TNRC6B: variants seen among roughly 807,000 people sequenced by gnomAD.
The protein encoded by TNRC6B is trinucleotide repeat-containing gene 6B protein.
Under a neutral mutation model 203.6 loss-of-function variants are expected in TNRC6B, and 52 were observed. That is an observed-to-expected ratio of 0.26 (90% CI 0.20 to 0.32). TNRC6B has a LOEUF of 0.32. Ranked by LOEUF, TNRC6B falls within the 10% of genes least tolerant of loss-of-function variation. TNRC6B has a pLI of 1.00. For missense variants in TNRC6B, 1,923 were observed against 2,286.2 expected, an observed-to-expected ratio of 0.84 and a Z score of 3.24; for synonymous variants, 838 against 845.7, an observed-to-expected ratio of 0.99 and a Z score of 0.16.
chr22:40,164,806 C>T (rs34305613), intron 4 of TNRC6B, among the ~76,000 whole-genome samples: 4 of 139,440 alleles, frequency 2.9e-5, no homozygotes, highest in Admixed American at 7.4e-5. Context: ...CCTGAAATAG[C>T]GTCTCACTCT....
intron 4 of TNRC6B, among the ~76,000 whole-genome samples, chr22:40,161,046 G>T (rs1315203205): frequency 6.6e-6 from 1 of 151,612 alleles, no homozygotes; most frequent in African/African-American, 2.4e-5. Context: ...ATTAACCTTT[G>T]TTGAGATGTT....
chr22:40,323,235 A>G lies in TNRC6B; in HGVS notation c.5496A>G (p.Ser1832=). 6.2e-7 allele frequency: 1 copy of G among 1,610,308 alleles called. No homozygotes were observed. Among genetic ancestry groups the G allele is most frequent in the Non-Finnish European group, 8.5e-7 (1 of 1,179,554 alleles). ...ACCTTCTGGGAGGAGGGTCGGATTC[A>G]ATCTGAACTTAGAACTTTCAACTCT... The part of the protein sequence containing the change: ...PGDLLGGGSD[S]I The change falls in exon 23 of 23, where the codon TCA becomes TCG. Residue 1832 remains serine, a synonymous_variant. Coordinates refer to ENST00000454349, the MANE Select transcript of TNRC6B (RefSeq NM_001162501.2).
chr22:40,129,739 A>G (rs2068524799), intron 3 of TNRC6B, among the ~76,000 whole-genome samples: 1 of 152,224 alleles, frequency 6.6e-6, no homozygotes, highest in African/African-American at 2.4e-5. Context: ...TACAATAAAA[A>G]TGGTTACAGT....
At chr22:40,308,309 A>G (rs976308248) in intron 15 of TNRC6B, among the ~76,000 whole-genome samples, 3 of 152,244 alleles carry the variant, frequency 2.0e-5, no homozygotes, top group African/African-American at 7.2e-5. Flanking sequence ...AGTCATACAC[A>G]TCTTCACGCC....
Position 40,178,764 on chromosome 22 carries a change from C to T in TNRC6B, c.5+624C>T, listed in dbSNP as rs373717228. On this transcript the variant is annotated intron_variant, in intron 1 of 22. Coordinates refer to ENST00000454349, the MANE Select transcript of TNRC6B (RefSeq NM_001162501.2). ...CCCAAGCAATATGTGGCTCACCCCTCTCCTTTCTGCGCGCGCTCATTTGCA... is the reference window on the plus strand; with the variant it reads ...CCCAAGCAATATGTGGCTCACCCCTTTCCTTTCTGCGCGCGCTCATTTGCA... Among the ~76,000 whole-genome samples the T allele has an allele frequency of 5.9e-5, 9 of 152,238 alleles. No individual in the cohort carries two copies. The East Asian group carries it at 1.2e-3, about 20-fold the overall frequency.
At chr22:40,073,617 A>C (rs1351961786) in intron 1 of TNRC6B, among the ~76,000 whole-genome samples, 1 of 152,180 alleles carries the variant, frequency 6.6e-6, no homozygotes, top group Non-Finnish European at 1.5e-5. Context: ...ATAAACCATT[A>C]AGTGGTACTA....
intron 13 of TNRC6B, 89 bp downstream of exon 13, chr22:40,300,675 CT>C (rs2071011193): frequency 1.3e-6 from 2 of 1,486,790 alleles, no homozygotes; most frequent in African/African-American, 2.8e-5. Flanking sequence ...ATCTTTGCCA[CT>C]TTCTATGTTC....
chr22:40,186,795 C>T (rs1331931038), intron 1 of TNRC6B, among the ~76,000 whole-genome samples: 3 of 150,696 alleles, frequency 2.0e-5, no homozygotes, highest in African/African-American at 4.9e-5. Context: ...TCAGTAATAT[C>T]GACTTTATTT....
intron 1 of TNRC6B, among the ~76,000 whole-genome samples, chr22:40,186,364 T>G (rs2069202589): frequency 6.6e-6 from 1 of 152,012 alleles, no homozygotes; most frequent in African/African-American, 2.4e-5. Context: ...GGTATGGGAA[T>G]CATTCGATGG....
intron 3 of TNRC6B, among the ~76,000 whole-genome samples, chr22:40,256,228 A>T (rs193037907): frequency 1.1e-4 from 16 of 152,302 alleles, no homozygotes; most frequent in Non-Finnish European, 1.6e-4. Flanking sequence ...GGGCTAGGAA[A>T]CAAGTTTGAG....
intron 17 of TNRC6B, among the ~76,000 whole-genome samples, chr22:40,311,500 A>T (rs2071180593): frequency 6.6e-6 from 1 of 151,806 alleles, no homozygotes; most frequent in South Asian, 2.1e-4. Context: ...GTGCATGCGT[A>T]TTTGTGACAT....
In TNRC6B at chr22:40,123,353, A is replaced by G. The variant is rs555088761; in HGVS notation, c.-46-2419A>G. ...TTTAGCCAGGCAAGTCAAGCTAGAAAGAGACTTAAGAAAAATAGAACAGCC... is the reference window on the plus strand; with the variant it reads ...TTTAGCCAGGCAAGTCAAGCTAGAAGGAGACTTAAGAAAAATAGAACAGCC... On this transcript the variant is annotated intron_variant, in intron 2 of 23. Coordinates refer to the TNRC6B transcript ENST00000301923. Among the ~76,000 whole-genome samples, 72 of 152,366 alleles carry G rather than the reference A, an allele frequency of 4.7e-4. 1 individual carries two copies. The South Asian group carries it at 0.01, about 22-fold the overall frequency.
chr22:40,199,785 G>T (rs772900312), intron 1 of TNRC6B, among the ~76,000 whole-genome samples: 1 of 151,942 alleles, frequency 6.6e-6, no homozygotes, highest in Non-Finnish European at 1.5e-5. Flanking sequence ...ACTGTGGTTT[G>T]GTTTTTGTTG....
At chr22:40,151,546 A>AAGG (rs1486857837) in intron 3 of TNRC6B, among the ~76,000 whole-genome samples, 27 of 63,188 alleles carry the variant, frequency 4.3e-4, no homozygotes, top group Non-Finnish European at 6.8e-4. Context: ...TCAAAAAAAA[A>AAGG]AAAAAAGAAA....
chr22:40,158,243 G>A (rs2068835750), intron 4 of TNRC6B, among the ~76,000 whole-genome samples: 1 of 152,006 alleles, frequency 6.6e-6, no homozygotes, highest in South Asian at 2.1e-4. Context: ...GGAGGCTGAG[G>A]CAGGAGAATT....
chr22:40,321,016 G>C, intron 21 of TNRC6B, 74 bp from the exon 22 acceptor site: 1 of 1,571,426 alleles, frequency 6.4e-7, no homozygotes, highest in East Asian at 2.2e-5. Flanking sequence ...CTCAGCCAGT[G>C]CTTTGAATAT....
intron 4 of TNRC6B, among the ~76,000 whole-genome samples, 186 bp downstream of exon 4, chr22:40,262,359 G>A (rs764335065): frequency 3.3e-5 from 5 of 152,184 alleles, no homozygotes; most frequent in South Asian, 2.1e-4. Flanking sequence ...TTAGTGTTCC[G>A]TAAGTGTGTG....
intron 12 of TNRC6B, among the ~76,000 whole-genome samples, chr22:40,296,311 T>A (rs1296046506): frequency 6.6e-6 from 1 of 150,854 alleles, no homozygotes; most frequent in Non-Finnish European, 1.5e-5. Flanking sequence ...TATAAGAAAT[T>A]GAGGAGAATG....
intron 3 of TNRC6B, among the ~76,000 whole-genome samples, chr22:40,132,867 C>T (rs1366281127): frequency 7.1e-6 from 1 of 140,954 alleles, no homozygotes; most frequent in African/African-American, 2.6e-5. Context: ...TGGCGTGAAC[C>T]TGGAAGGCGG....
Sources: allele counts gnomAD v4.1 joint callset (sites outside exome capture counted in the v4.1 genomes callset), GRCh38; gene constraint gnomAD v4.1.1; transcripts MANE v1.5; gene names NCBI Gene and HGNC (gene_info 2026-07-23, HGNC 2026-07-21).